The following PPP2R2B variants were observed in gnomAD, a reference collection of about 807,000 sequenced individuals.
The protein encoded by PPP2R2B is protein phosphatase 2 regulatory subunit Bbeta.
PPP2R2B carries 5 observed loss-of-function variants against 46.0 expected under a neutral mutation model. The ratio of observed to expected loss-of-function variants is 0.11; its 90% confidence interval spans 0.06 to 0.23. PPP2R2B has a LOEUF of 0.23. PPP2R2B is among the 10% of genes least tolerant of loss of function. The pLI is 1.00. For missense variants in PPP2R2B, 367 were observed against 575.0 expected (o/e 0.64, Z 3.70); for synonymous variants, 215 against 206.7 (o/e 1.04, Z -0.34).
At chr5:146,782,163 G>A (rs113928961) in intron 2 of PPP2R2B, among the ~76,000 whole-genome samples, 15 of 152,142 alleles carry the variant, frequency 9.9e-5, no homozygotes, top group African/African-American at 1.7e-4. Context: ...CTAGCATCAC[G>A]CTTCCTGTAC....
intron 1 of PPP2R2B, among the ~76,000 whole-genome samples, chr5:146,913,568 A>C (rs1366181644): frequency 6.6e-6 from 1 of 151,306 alleles, no homozygotes; most frequent in Non-Finnish European, 1.5e-5. Flanking sequence ...TTTTTCAAAC[A>C]TCACATTAAA....
chr5:146,852,831 A>G (rs1414715639), intron 2 of PPP2R2B, among the ~76,000 whole-genome samples: 1 of 152,134 alleles, frequency 6.6e-6, no homozygotes, highest in Non-Finnish European at 1.5e-5. Flanking sequence ...AAGTGACAGG[A>G]AAAAGGTCTA....
At chr5:147,051,743 G>A (rs377464332) in intron 1 of PPP2R2B, among the ~76,000 whole-genome samples, 1 of 104,808 alleles carries the variant, frequency 9.5e-6, no homozygotes. Flanking sequence ...TCTCATTTCT[G>A]TTTTGCTTCC....
chr5:146,944,815 G>C (rs1172756709), intron 1 of PPP2R2B, among the ~76,000 whole-genome samples: 1 of 151,880 alleles, frequency 6.6e-6, no homozygotes, highest in African/African-American at 2.4e-5. Context: ...ATGAAAAAAG[G>C]GCATCTAGAT....
At chr5:146,916,844 A>C (rs971779432) in intron 1 of PPP2R2B, among the ~76,000 whole-genome samples, 1 of 152,226 alleles carries the variant, frequency 6.6e-6, no homozygotes, top group Non-Finnish European at 1.5e-5. Context: ...ACCAGTTTGC[A>C]TATCATGGCA....
intron 1 of PPP2R2B, among the ~76,000 whole-genome samples, chr5:146,966,724 C>CG (rs1752433637): frequency 6.6e-6 from 1 of 152,102 alleles, no homozygotes; most frequent in Admixed American, 6.5e-5. Context: ...AGCGTAGGAG[C>CG]ACAAAAATAT....
At chr5:146,804,630 G>T (rs1160658355) in intron 2 of PPP2R2B, among the ~76,000 whole-genome samples, 1 of 152,172 alleles carries the variant, frequency 6.6e-6, no homozygotes, top group Non-Finnish European at 1.5e-5. Flanking sequence ...AATCTGTTTA[G>T]AAGCAATGAG....
chr5:146,831,862 A>G (rs1758962522), intron 2 of PPP2R2B, among the ~76,000 whole-genome samples: 1 of 152,214 alleles, frequency 6.6e-6, no homozygotes, highest in South Asian at 2.1e-4. Context: ...TTGTTATTTT[A>G]GGTGATGACA....
intron 2 of PPP2R2B, among the ~76,000 whole-genome samples, chr5:146,820,273 C>G (rs1456976606): frequency 6.6e-6 from 1 of 152,148 alleles, no homozygotes; most frequent in African/African-American, 2.4e-5. Flanking sequence ...GATTATTATA[C>G]ATTGTATACA....
chr5:147,081,426 T>C (rs1757964696), exon 1 of PPP2R2B: 2 of 855,536 alleles, frequency 2.3e-6, no homozygotes, highest in Middle Eastern at 2.5e-4. Flanking sequence ...CCTGGCAGCG[T>C]CCTGGAGTGG....
At chr5:147,052,714 G>A (rs1282826441) in intron 1 of PPP2R2B, among the ~76,000 whole-genome samples, 4 of 152,128 alleles carry the variant, frequency 2.6e-5, no homozygotes, top group African/African-American at 7.2e-5. Flanking sequence ...AGAGTCGGGC[G>A]GGGCTCAGAA....
intron 5 of PPP2R2B, among the ~76,000 whole-genome samples, chr5:146,676,810 G>A (rs1777750436): frequency 6.6e-6 from 1 of 152,176 alleles, no homozygotes; most frequent in Admixed American, 6.6e-5. Flanking sequence ...CTTAATAAGT[G>A]CTTGTGGAAT....
rs114685630 is a variant in PPP2R2B, at chr5:146,633,008, C to T, written c.790+5243G>A. Among the ~76,000 whole-genome samples, 1,445 of 152,188 alleles carry T rather than the reference C, an allele frequency of 9.5e-3. 27 individuals are homozygous for T. The highest frequency in any genetic ancestry group is 0.033 in the African/African-American group (1,369 of 41,518). On this transcript the variant is annotated intron_variant, in intron 7 of 9. Coordinates refer to ENST00000394411, the MANE Select transcript of PPP2R2B (RefSeq NM_181675.4). ...CATTACACCTGGCCAGTTTCTTCAC[C>T]CAGCCACCGATACTCATGCGTGGAA...
chr5:146,795,849 G>A (rs528314898), intron 2 of PPP2R2B, among the ~76,000 whole-genome samples: 2 of 152,072 alleles, frequency 1.3e-5, no homozygotes, highest in African/African-American at 2.4e-5. Flanking sequence ...CAGAAGATTC[G>A]ATGGAATAAC....
At chr5:147,022,523 G>A (rs1420208824) in intron 1 of PPP2R2B, among the ~76,000 whole-genome samples, 1 of 151,344 alleles carries the variant, frequency 6.6e-6, no homozygotes, top group Non-Finnish European at 1.5e-5. Context: ...TCATGCCACT[G>A]CACTCCAGCC....
intron 2 of PPP2R2B, among the ~76,000 whole-genome samples, chr5:146,803,043 G>A (rs112195430): frequency 9.1e-4 from 139 of 152,266 alleles, no homozygotes; most frequent in African/African-American, 3.2e-3. Context: ...GACAAGAGGA[G>A]TGAAATTCAG....
In PPP2R2B at chr5:146,600,280, G is replaced by A. The variant is rs560393664; in HGVS notation, c.960+11C>T. 4 of 1,612,260 alleles carry A rather than the reference G, an allele frequency of 2.5e-6. No homozygotes were observed. The highest frequency in any genetic ancestry group is 1.7e-4 in the Middle Eastern group (1 of 6,030). On this transcript the variant is annotated intron_variant, in intron 8 of 9. Transcript: ENST00000394411. ...TGTTCAATATACCTATGGGTGCCTG[G>A]GGTTCTATACCTGGTAAGTCTCGAT...
chr5:147,081,460 CCT>C (rs1757965484), upstream of PPP2R2B: 1 of 629,538 alleles, frequency 1.6e-6, no homozygotes, highest in Non-Finnish European at 2.8e-6. Flanking sequence ...GCAGTCATCC[CCT>C]GTGTGACTGG....
In PPP2R2B at chr5:146,932,998, C is replaced by T. The variant is rs111807717; in HGVS notation, c.79+122667G>A. On this transcript the variant is annotated intron_variant, in intron 1 of 8. Transcript: ENST00000336640. ...ACAGCCCAGGAAACTGTTTCTTTAC[C>T]TGTACCAGCACTAAGCATGCTAAAA... Among the ~76,000 whole-genome samples, 532 of 152,280 alleles carry T rather than the reference C, an allele frequency of 3.5e-3. 3 individuals carry two copies. The highest frequency in any genetic ancestry group is 0.012 in the African/African-American group (503 of 41,564).
Sources: allele counts gnomAD v4.1 joint callset (sites outside exome capture counted in the v4.1 genomes callset), GRCh38; gene constraint gnomAD v4.1.1; transcripts MANE v1.5; gene names NCBI Gene and HGNC (gene_info 2026-07-23, HGNC 2026-07-21).